The following HS1BP3 variants were observed in gnomAD, a reference collection of about 807,000 sequenced individuals.
The protein encoded by HS1BP3 is HCLS1-binding protein 3.
A neutral mutation model predicts 33.5 loss-of-function variants in HS1BP3; 32 were observed. That is an observed-to-expected ratio of 0.95 (90% CI 0.72 to 1.28). The LOEUF (loss-of-function observed/expected upper bound fraction) is 1.28, where lower values mean the gene tolerates loss of function less well. Ranked by LOEUF, HS1BP3 falls within the 50% of genes most tolerant of loss-of-function variation. HS1BP3 has a pLI of 0.00. For missense variants in HS1BP3, 486 were observed against 502.3 expected, an observed-to-expected ratio of 0.97 and a Z score of 0.31; for synonymous variants, 187 against 209.2, an observed-to-expected ratio of 0.89 and a Z score of 0.92.
intron 5 of HS1BP3, among the ~76,000 whole-genome samples, chr2:20,576,446 G>A (rs543389616): frequency 2.0e-5 from 3 of 152,274 alleles, no homozygotes; most frequent in African/African-American, 4.8e-5. Context: ...TAGCTCAGGC[G>A]TCCCGTTTTC....
downstream of HS1BP3, among the ~76,000 whole-genome samples, chr2:20,558,087 G>A (rs1433595726): frequency 3.8e-4 from 58 of 152,364 alleles, 1 homozygote; most frequent in Non-Finnish European, 2.9e-5. Flanking sequence ...TGTTCACTGC[G>A]TCTGTATCCA....
intron 6 of HS1BP3, chr2:20,622,688 T>C (rs142669136): frequency 7.4e-4 from 168 of 228,232 alleles, no homozygotes; most frequent in African/African-American, 3.6e-3. Flanking sequence ...CTGGGACACA[T>C]GGACTCCTAG....
Position 20,624,112 on chromosome 2 carries a change from A to G in HS1BP3, c.785-81T>C, listed in dbSNP as rs1022418454. 10 of 1,519,516 alleles carry G rather than the reference A, an allele frequency of 6.6e-6. No individual in the cohort carries two copies. The Middle Eastern group carries it at 7.0e-4, about 107-fold the overall frequency. 94.1% of individuals were successfully genotyped at this position (1,519,516 alleles called of 1,614,324 possible). A position where few individuals can be genotyped will look rare whatever the true frequency, so the allele number is the denominator to read the frequency against. On this transcript the variant is annotated intron_variant, in intron 5 of 6. Coordinates refer to ENST00000304031, the MANE Select transcript of HS1BP3 (RefSeq NM_022460.4). ...GGCTGCTCTCTCTCTGCCCCACCCC[A>G]GGAAGTCTTCTGGGCAGTCCTACAG...
chr2:20,628,799 T>A (rs1694874723), intron 4 of HS1BP3, among the ~76,000 whole-genome samples: 1 of 152,042 alleles, frequency 6.6e-6, no homozygotes, highest in East Asian at 1.9e-4. Context: ...TTAAATAGCA[T>A]CTTGGGTACA....
At chr2:20,649,548 G>T (rs1183160057) in intron 1 of HS1BP3, among the ~76,000 whole-genome samples, 1 of 152,226 alleles carries the variant, frequency 6.6e-6, no homozygotes, top group Non-Finnish European at 1.5e-5. Flanking sequence ...TCTACGAGAG[G>T]GACTTGTTTG....
chr2:20,615,288 C>A (rs1694400568), downstream of HS1BP3, among the ~76,000 whole-genome samples: 1 of 152,226 alleles, frequency 6.6e-6, no homozygotes, highest in Non-Finnish European at 1.5e-5. Context: ...GCCGTTTGTG[C>A]CCACAGAACC....
intron 2 of HS1BP3, 32 bp from the exon 3 acceptor site, chr2:20,641,212 T>C (rs760751888): frequency 6.3e-7 from 1 of 1,578,750 alleles, no homozygotes; most frequent in Admixed American, 1.7e-5. Flanking sequence ...GTTTCCTGAG[T>C]GAAGAGTGGC....
intron 3 of HS1BP3, among the ~76,000 whole-genome samples, chr2:20,596,667 T>C (rs1693949485): frequency 6.6e-6 from 1 of 152,176 alleles, no homozygotes; most frequent in African/African-American, 2.4e-5. Context: ...AGAGAATTAC[T>C]TTTATCTCTT....
At chr2:20,598,645 G>A (rs892653021) in intron 2 of HS1BP3, among the ~76,000 whole-genome samples, 5 of 128,060 alleles carry the variant, frequency 3.9e-5, no homozygotes, top group Non-Finnish European at 7.9e-5. Flanking sequence ...TGCAAGCTCC[G>A]CCTCCCGGGT....
intron 3 of HS1BP3, chr2:20,592,832 A>T (rs1693849969): frequency 6.6e-6 from 1 of 152,280 alleles, no homozygotes; most frequent in Non-Finnish European, 1.5e-5. Context: ...ATAACACAGG[A>T]TGATCTCATC....
intron 2 of HS1BP3, among the ~76,000 whole-genome samples, chr2:20,607,862 A>G (rs1694231995): frequency 6.6e-6 from 1 of 152,236 alleles, no homozygotes; most frequent in Non-Finnish European, 1.5e-5. Context: ...TTTTAACAAT[A>G]TCAAGTCTTC....
At chr2:20,556,005 C>T (rs1692833518), downstream of HS1BP3, among the ~76,000 whole-genome samples, 1 of 152,182 alleles carries the variant, frequency 6.6e-6, no homozygotes, top group African/African-American at 2.4e-5. Flanking sequence ...GTGCTGTAGA[C>T]AGGTGCAAAA....
chr2:20,596,576 C>T (rs1192439558), intron 3 of HS1BP3, among the ~76,000 whole-genome samples: 1 of 152,230 alleles, frequency 6.6e-6, no homozygotes, highest in African/African-American at 2.4e-5. Context: ...ACTTCTCAGC[C>T]TCCAGAACTG....
At chr2:20,556,081 ACCCAGAAG>A (rs1423791954), downstream of HS1BP3, among the ~76,000 whole-genome samples, 1 of 152,218 alleles carries the variant, frequency 6.6e-6, no homozygotes, top group African/African-American at 2.4e-5. Flanking sequence ...CCATCTCACT[ACCCAGAAG>A]AAACCATTTG....
intron 5 of HS1BP3, among the ~76,000 whole-genome samples, chr2:20,574,717 C>A (rs887554275): frequency 2.6e-5 from 4 of 152,230 alleles, no homozygotes; most frequent in Non-Finnish European, 5.9e-5. Context: ...CCCGGGCAGG[C>A]AGTGCTGGGC....
intron 3 of HS1BP3, among the ~76,000 whole-genome samples, chr2:20,596,390 A>C (rs935343073): frequency 6.6e-6 from 1 of 152,242 alleles, no homozygotes; most frequent in Non-Finnish European, 1.5e-5. Flanking sequence ...GCCTTAGAGC[A>C]GGGATTAGGT....
chr2:20,555,744 T>C (rs1265280559), downstream of HS1BP3, among the ~76,000 whole-genome samples: 1 of 152,136 alleles, frequency 6.6e-6, no homozygotes, highest in Non-Finnish European at 1.5e-5. Flanking sequence ...CTTAGCTCTT[T>C]TCCTTGTATC....
chr2:20,622,676 C>G (rs1694643063), intron 6 of HS1BP3: 1 of 233,014 alleles, frequency 4.3e-6, no homozygotes, highest in Non-Finnish European at 8.9e-6. Flanking sequence ...AGAGCCACCC[C>G]ACTGGGACAC....
chr2:20,625,830 A>G (rs1280067370), intron 4 of HS1BP3, among the ~76,000 whole-genome samples: 2 of 152,230 alleles, frequency 1.3e-5, no homozygotes, highest in African/African-American at 2.4e-5. Flanking sequence ...GTAAACACGC[A>G]TGGAGCTGAA....
Sources: allele counts gnomAD v4.1 joint callset (sites outside exome capture counted in the v4.1 genomes callset), GRCh38; gene constraint gnomAD v4.1.1; transcripts MANE v1.5; gene names NCBI Gene and HGNC (gene_info 2026-07-23, HGNC 2026-07-21).